DAP3: variants seen among roughly 807,000 people sequenced by gnomAD.
DAP3 encodes the protein death associated protein 3, also known as small ribosomal subunit protein mS29.
DAP3 carries 28 observed loss-of-function variants against 51.9 expected under a neutral mutation model. That is an observed-to-expected ratio of 0.54 (90% confidence interval 0.40 to 0.74). The LOEUF (loss-of-function observed/expected upper bound fraction) is 0.74. Ranked by LOEUF, DAP3 falls within the 30% of genes least tolerant of loss-of-function variation. The pLI, the probability that DAP3 is intolerant of heterozygous loss-of-function variation, is 0.00. For synonymous variants in DAP3, 170 were observed against 170.3 expected (o/e 1.00, Z 0.01); for missense variants, 458 against 483.5 (o/e 0.95, Z 0.49).
chr1:155,689,076 A>C, upstream of DAP3: 1 of 1,487,040 alleles, frequency 6.7e-7, no homozygotes, highest in Non-Finnish European at 9.1e-7. Flanking sequence ...CTGCCGGATG[A>C]CCCGACCCTT....
At chr1:155,703,184 C>T (rs908990426) in intron 1 of DAP3, among the ~76,000 whole-genome samples, 7 of 152,094 alleles carry the variant, frequency 4.6e-5, no homozygotes, top group African/African-American at 9.7e-5. Context: ...AGTCCATTTT[C>T]ACGCTGCTGA....
intron 4 of DAP3, 36 bp downstream of exon 4, chr1:155,721,654 A>G: frequency 1.2e-6 from 2 of 1,602,660 alleles, no homozygotes; most frequent in Non-Finnish European, 1.7e-6. Context: ...GAGGGAGCCC[A>G]GAATACAAGC....
At chr1:155,707,437 C>A in intron 1 of DAP3, among the ~76,000 whole-genome samples, 1 of 151,642 alleles carries the variant, frequency 6.6e-6, no homozygotes, top group African/African-American at 2.4e-5. Context: ...AATTTATAGC[C>A]AAAATGAACT....
At chr1:155,695,825 G>A (rs559136176) in intron 1 of DAP3, among the ~76,000 whole-genome samples, 7 of 152,286 alleles carry the variant, frequency 4.6e-5, no homozygotes, top group East Asian at 1.9e-4. Flanking sequence ...CACATATGCC[G>A]CTTTCCCAGT....
intron 2 of DAP3, among the ~76,000 whole-genome samples, chr1:155,711,517 T>C (rs975921591): frequency 3.3e-5 from 5 of 151,848 alleles, no homozygotes; most frequent in African/African-American, 1.2e-4. Flanking sequence ...AATTTCCTCT[T>C]TCTTAATAAC....
In DAP3 at chr1:155,689,971, G is replaced by A. The variant is rs1252182779; in HGVS notation, c.-8+797G>A. Among the ~76,000 whole-genome samples, 3 of 122,168 alleles carry A rather than the reference G, an allele frequency of 2.5e-5. 1 individual carries two copies. Among genetic ancestry groups the A allele is most frequent in the African/African-American group, 2.3e-4 (3 of 13,136 alleles). The allele number at this position is 122,168 out of a possible 152,430, so 80.1% of individuals were successfully genotyped here. On this transcript the variant is annotated intron_variant, in intron 1 of 12. Coordinates refer to ENST00000368336, the MANE Select transcript of DAP3 (RefSeq NM_004632.4). The stretch of plus-strand genomic sequence containing the variant: ...AAAGTGGAATTAGCTCCTAGGCATA[G>A]GGAAGGTGCAGAGTATTGCCGTGTT...
At chr1:155,688,073 T>C (rs964482682), upstream of DAP3, 2 of 1,581,004 alleles carry the variant, frequency 1.3e-6, no homozygotes, top group African/African-American at 1.3e-5. Context: ...CTACTCACCG[T>C]GTCGGAGGCC....
At position 155,725,313 on chromosome 1, in the gene DAP3, G is replaced by A. The variant is rs1658447325; in HGVS notation, c.271-69G>A. ...GGTCTTGGTTGCCACTTTAGGCAGA[G>A]TATATATACCACCCCCCACCCACTC... is the stretch of plus-strand genomic sequence containing the variant. On this transcript the variant is annotated intron_variant, in intron 4 of 12. Coordinates refer to ENST00000368336, the MANE Select transcript of DAP3 (RefSeq NM_004632.4). 68 of 1,393,526 alleles carry A rather than the reference G, an allele frequency of 4.9e-5. No individual in the cohort carries two copies. In the South Asian group the frequency reaches 7.6e-4, roughly 16 times the overall value. The allele number at this position is 1,393,526 out of a possible 1,614,324, so 86.3% of individuals were successfully genotyped here.
chr1:155,688,963 GCCT>G (rs1653223148), upstream of DAP3: 6 of 1,605,736 alleles, frequency 3.7e-6, no homozygotes, highest in African/African-American at 2.7e-5. Context: ...GCTGCGGCTC[GCCT>G]CCTCCTCCAT....
chr1:155,720,654 A>T (rs1385876738), intron 3 of DAP3, among the ~76,000 whole-genome samples: 1 of 151,994 alleles, frequency 6.6e-6, no homozygotes, highest in South Asian at 2.1e-4. Context: ...ATCTCAAAAA[A>T]AAAACAAAAC....
intron 4 of DAP3, among the ~76,000 whole-genome samples, chr1:155,722,503 C>T (rs984520823): frequency 6.6e-6 from 1 of 151,966 alleles, no homozygotes; most frequent in African/African-American, 2.4e-5. Context: ...ATTGTTTGAG[C>T]GCAGGAGTTC....
intron 1 of DAP3, among the ~76,000 whole-genome samples, chr1:155,701,037 C>CG (rs1655194799): frequency 1.1e-5 from 1 of 93,272 alleles, no homozygotes; most frequent in Non-Finnish European, 2.1e-5. Flanking sequence ...CAGCCGCCCC[C>CG]TCCGGGAGGG....
chr1:155,697,774 C>G (rs191944449), intron 1 of DAP3, among the ~76,000 whole-genome samples: 1 of 152,096 alleles, frequency 6.6e-6, no homozygotes, highest in Non-Finnish European at 1.5e-5. Flanking sequence ...AGCAGACAAC[C>G]GATCTGACTA....
chr1:155,697,722 C>T (rs566035003), intron 1 of DAP3, among the ~76,000 whole-genome samples: 60 of 152,130 alleles, frequency 3.9e-4, no homozygotes, highest in Non-Finnish European at 7.1e-4. Flanking sequence ...GCACATTGGA[C>T]GTTGATATTG....
At chr1:155,712,410 C>G (rs529410871) in intron 2 of DAP3, among the ~76,000 whole-genome samples, 1 of 151,996 alleles carries the variant, frequency 6.6e-6, no homozygotes, top group African/African-American at 2.4e-5. Context: ...GTCGGGAGTT[C>G]GAGACCAGCC....
chr1:155,709,752 C>CT (rs372695062), intron 1 of DAP3, 21 bp from the exon 2 acceptor site: 120,524 of 1,102,926 alleles, frequency 0.11, 1 homozygote, highest in South Asian at 0.12. Context: ...TACCTTTTCA[C>CT]TTTTTTTTTT....
chr1:155,713,484 G>A (rs1437258385), intron 2 of DAP3, among the ~76,000 whole-genome samples: 7 of 152,114 alleles, frequency 4.6e-5, no homozygotes, highest in South Asian at 2.1e-4. Flanking sequence ...ACTTTCCTTC[G>A]TGGATGCTTT....
At chr1:155,722,947 G>C (rs1020556377) in intron 4 of DAP3, among the ~76,000 whole-genome samples, 3 of 152,176 alleles carry the variant, frequency 2.0e-5, no homozygotes, top group African/African-American at 7.2e-5. Flanking sequence ...GTTGTTTTCA[G>C]ACTGGCTTAA....
chr1:155,688,181 G>A (rs570778165), upstream of DAP3: 3 of 1,614,044 alleles, frequency 1.9e-6, no homozygotes, highest in South Asian at 3.3e-5. Flanking sequence ...CTTGTCAGGA[G>A]GCGGCCAGCG....
Sources: gnomAD v4.1 joint callset for allele counts (sites outside exome capture counted in the v4.1 genomes callset) on GRCh38, gnomAD v4.1.1 for gene constraint, MANE v1.5 for transcripts, NCBI Gene and HGNC (gene_info 2026-07-23, HGNC 2026-07-21) for gene names.